The following OSBPL3 variants were observed in gnomAD, a reference collection of about 807,000 sequenced individuals.
OSBPL3 encodes the protein oxysterol-binding protein-related protein 3.
Under a neutral mutation model 120.1 loss-of-function variants are expected in OSBPL3, and 65 were observed. That is an observed-to-expected ratio of 0.54 (90% CI 0.44 to 0.67). The LOEUF (loss-of-function observed/expected upper bound fraction) is 0.67. Ranked by LOEUF, OSBPL3 falls within the 30% of genes least tolerant of loss-of-function variation. The pLI is 0.00. For synonymous variants in OSBPL3, 416 were observed against 402.6 expected, an observed-to-expected ratio of 1.03 and a Z score of -0.40; for missense variants, 1,004 against 1,082.1, an observed-to-expected ratio of 0.93 and a Z score of 1.01.
rs749462538 is a variant in OSBPL3, at chr7:24,799,198, A to T, written c.*985T>A. ...AAGAGGTAGAAAATACTAAAACAGC[A>T]TTTAAGAAAAACATGTTGAGTTATC... On this transcript the variant is annotated 3_prime_UTR_variant, in exon 23 of 23. Transcript: ENST00000313367. This position sits in a 1 kb window ranked among gnomAD's most constrained non-coding sequence, Gnocchi z 5.3. 6.6e-5 allele frequency: 10 copies of T among 152,668 alleles called. No individual in the cohort carries two copies. Among genetic ancestry groups the T allele is most frequent in the Admixed American group, 3.9e-4 (6 of 15,286 alleles). The allele number at this position is 152,668 out of a possible 1,614,324, so 9.5% of individuals were successfully genotyped here.
At position 24,901,325 on chromosome 7, in the gene OSBPL3, C is replaced by T. The variant is rs1228222578; in HGVS notation, c.-149-8704G>A. ...CCAGATGGCGCCACTGTACTCCAGCCTGGGTGACAGAGCAAGACTCCATCT... is the reference window on the plus strand; with the variant it reads ...CCAGATGGCGCCACTGTACTCCAGCTTGGGTGACAGAGCAAGACTCCATCT... On this transcript the variant is annotated intron_variant, in intron 1 of 22. Coordinates refer to ENST00000313367, the MANE Select transcript of OSBPL3 (RefSeq NM_015550.4). Among the ~76,000 whole-genome samples, 5 of 151,478 alleles carry T rather than the reference C, an allele frequency of 3.3e-5. No homozygotes were observed. In the East Asian group the frequency reaches 9.7e-4, roughly 29 times the overall value.
chr7:24,897,570 C>T lies in OSBPL3; in HGVS notation c.-149-4949G>A, dbSNP rs919472524. ...TCGATCTCCTGACCTCGTGATCCGCCCGCCTCGGCCTCCCAAAGTGCTGGG... is the reference window on the plus strand; with the variant it reads ...TCGATCTCCTGACCTCGTGATCCGCTCGCCTCGGCCTCCCAAAGTGCTGGG... On this transcript the variant is annotated intron_variant, in intron 1 of 22. Coordinates refer to ENST00000313367, the MANE Select transcript of OSBPL3 (RefSeq NM_015550.4). 4.6e-5 allele frequency among the ~76,000 whole-genome samples: 7 copies of T among 152,014 alleles called. No individual in the cohort carries two copies. The South Asian group carries it at 1.5e-3, about 32-fold the overall frequency.
In OSBPL3 at chr7:24,932,042, G is replaced by C. The variant is rs1053670391; in HGVS notation, c.-149-39421C>G. 6.6e-6 allele frequency among the ~76,000 whole-genome samples: 1 copy of C among 151,978 alleles called. No homozygotes were observed. The highest frequency in any genetic ancestry group is 1.5e-5 in the Non-Finnish European group (1 of 67,980). On this transcript the variant is annotated intron_variant, in intron 1 of 22. Transcript: ENST00000313367. This position sits in a 1 kb window ranked among gnomAD's most constrained non-coding sequence, Gnocchi z 5.6. Reference sequence around the variant, plus strand: ...TCTGTAAAACAAAACATGTAGACTAGATGAATGATAATCTCTCCTTAACAA... The same window carrying C: ...TCTGTAAAACAAAACATGTAGACTACATGAATGATAATCTCTCCTTAACAA...
At position 24,940,091 on chromosome 7, in the gene OSBPL3, G is replaced by T. The variant is rs1201601093; in HGVS notation, c.-150+39795C>A. Among the ~76,000 whole-genome samples the T allele has an allele frequency of 1.3e-5, 2 of 152,262 alleles. No individual in the cohort carries two copies. The highest frequency in any genetic ancestry group is 3.4e-3 in the Middle Eastern group (1 of 294). On this transcript the variant is annotated intron_variant, in intron 1 of 22. Transcript: ENST00000313367. The surrounding 1 kb of genome is among the most constrained non-coding windows in gnomAD (Gnocchi z 4.4). ...AGATGAAATGAAAACAAGTTCAAAT[G>T]CTGCAAATGAGATTGTGAAAGAAAG...
Position 24,806,973 on chromosome 7 carries a change from T to C in OSBPL3, c.2318-71A>G. The C allele has an allele frequency of 8.5e-6, 12 of 1,407,870 alleles. No homozygotes were observed. Among genetic ancestry groups the C allele is most frequent in the Non-Finnish European group, 1.1e-5 (11 of 1,039,434 alleles). 87.2% of individuals were successfully genotyped at this position (1,407,870 alleles called of 1,614,324 possible). A position where few individuals can be genotyped will look rare whatever the true frequency, so the allele number is the denominator to read the frequency against. Reference sequence around the variant, plus strand: ...TGTTACATTTTAATTCCTTCACCTTTTTCGTCTCAGCCTAGCTACAATTTT... The same window carrying C: ...TGTTACATTTTAATTCCTTCACCTTCTTCGTCTCAGCCTAGCTACAATTTT... On this transcript the variant is annotated intron_variant, in intron 20 of 22. Coordinates refer to ENST00000313367, the MANE Select transcript of OSBPL3 (RefSeq NM_015550.4). The surrounding 1 kb of genome is among the most constrained non-coding windows in gnomAD (Gnocchi z 5.2).
chr7:24,913,415 C>T lies in OSBPL3; in HGVS notation c.-149-20794G>A, dbSNP rs934931803. On this transcript the variant is annotated intron_variant, in intron 1 of 22. Transcript: ENST00000313367. The surrounding 1 kb of genome is among the most constrained non-coding windows in gnomAD (Gnocchi z 5.3). ...CCCTCAGGCTAGCAGGCTCCTGCTA[C>T]CAGAGCATCCCACTCCTGCTGGGTA... 1.3e-5 allele frequency among the ~76,000 whole-genome samples: 2 copies of T among 152,132 alleles called. No individual in the cohort carries two copies. Among genetic ancestry groups the T allele is most frequent in the East Asian group, 3.9e-4 (2 of 5,192 alleles).
At position 24,834,050 on chromosome 7, in the gene OSBPL3, C is replaced by A. The variant is rs559787310; in HGVS notation, c.1746+436G>T. 209 of 974,286 alleles carry A rather than the reference C, an allele frequency of 2.1e-4. No homozygotes were observed. In the African/African-American group the frequency reaches 3.4e-3, roughly 16 times the overall value. The allele number at this position is 974,286 out of a possible 1,614,324, so 60.4% of individuals were successfully genotyped here. Reference sequence around the variant, plus strand: ...AAACCTAGGAGCTGATGGGACAATTCCAGAAATAAACACAAACATTCTCAG... The same window carrying A: ...AAACCTAGGAGCTGATGGGACAATTACAGAAATAAACACAAACATTCTCAG... On this transcript the variant is annotated intron_variant, in intron 15 of 22. Coordinates refer to ENST00000313367, the MANE Select transcript of OSBPL3 (RefSeq NM_015550.4). The surrounding 1 kb of genome is among the most constrained non-coding windows in gnomAD (Gnocchi z 5.2).
chr7:24,810,232 A>T (rs1433454142), intron 19 of OSBPL3: 3 of 263,350 alleles, frequency 1.1e-5, no homozygotes, highest in Non-Finnish European at 2.2e-5. Flanking sequence ...ATAACACTTA[A>T]CTCTCTCAGT....
At chr7:24,841,489 G>A (rs2128202352) in intron 13 of OSBPL3, among the ~76,000 whole-genome samples, 1 of 151,670 alleles carries the variant, frequency 6.6e-6, no homozygotes. Context: ...TTGAGGCTAG[G>A]AGTTCGAGGT....
rs35434953 is a variant in OSBPL3, at chr7:24,899,626, T to A, written c.-149-7005A>T. 0.044 allele frequency among the ~76,000 whole-genome samples: 6,740 copies of A among 152,326 alleles called. 339 individuals carry two copies. Among genetic ancestry groups the A allele is most frequent in the East Asian group, 0.23 (1,200 of 5,190 alleles). The stretch of plus-strand genomic sequence containing the variant: ...AATCTATACTCACCCAAGTAAATTA[T>A]ACTTGGAGATTTAGTAACGAGAAGA... On this transcript the variant is annotated intron_variant, in intron 1 of 22. Transcript: ENST00000313367. The surrounding 1 kb of genome is among the most constrained non-coding windows in gnomAD (Gnocchi z 4.0).
At chr7:24,914,101 A>G (rs1178328797) in intron 1 of OSBPL3, among the ~76,000 whole-genome samples, 1 of 152,142 alleles carries the variant, frequency 6.6e-6, no homozygotes, top group African/African-American at 2.4e-5. Context: ...GGATACCAAC[A>G]AGGCAATATG....
chr7:24,870,715 G>C lies in OSBPL3; in HGVS notation c.381+17C>G. 4.1e-6 allele frequency: 6 copies of C among 1,453,970 alleles called. No homozygotes were observed. The highest frequency in any genetic ancestry group is 5.8e-6 in the Non-Finnish European group (6 of 1,033,616). 90.1% of individuals were successfully genotyped at this position (1,453,970 alleles called of 1,614,324 possible). On this transcript the variant is annotated intron_variant, in intron 5 of 22. Transcript: ENST00000313367. ...CCCCAACATAAGTGAACTCTGCACAGTGGGAAGCAGCCTCACCTTCAGATG... is the reference window on the plus strand; with the variant it reads ...CCCCAACATAAGTGAACTCTGCACACTGGGAAGCAGCCTCACCTTCAGATG...
rs368468411 is a variant in OSBPL3, at chr7:24,833,582, C to T, written c.1746+904G>A. 1.3e-5 allele frequency among the ~76,000 whole-genome samples: 2 copies of T among 152,112 alleles called. No homozygotes were observed. The highest frequency in any genetic ancestry group is 4.2e-4 in the South Asian group (2 of 4,818). On this transcript the variant is annotated intron_variant, in intron 15 of 22. Transcript: ENST00000313367. This position sits in a 1 kb window ranked among gnomAD's most constrained non-coding sequence, Gnocchi z 4.4. The stretch of plus-strand genomic sequence containing the variant: ...GTCGGCAGGGCTAGGTCTGTGAAGC[C>T]GAGGGGGCACTCCAATTCCAATGTA...
intron 1 of OSBPL3, among the ~76,000 whole-genome samples, chr7:24,957,844 GT>G (rs1019846186): frequency 4.0e-4 from 61 of 152,090 alleles, no homozygotes; most frequent in African/African-American, 1.4e-3. Context: ...TTCTGTACTT[GT>G]TTTATCAGAA....
In OSBPL3 at chr7:24,841,361, C is replaced by T. The variant is rs551793843; in HGVS notation, c.1402-578G>A. 2.0e-4 allele frequency among the ~76,000 whole-genome samples: 30 copies of T among 151,362 alleles called. No individual in the cohort carries two copies. In the South Asian group the frequency reaches 2.7e-3, roughly 14 times the overall value. On this transcript the variant is annotated intron_variant, in intron 13 of 22. Coordinates refer to ENST00000313367, the MANE Select transcript of OSBPL3 (RefSeq NM_015550.4). ...TCAAATTCCATGATTAAAAAATATA[C>T]GGGATGCTAATTTCCTTCTCTATAG...
chr7:24,846,786 C>A (rs1305057812), intron 12 of OSBPL3, among the ~76,000 whole-genome samples: 1 of 152,216 alleles, frequency 6.6e-6, no homozygotes, highest in Middle Eastern at 3.4e-3. Flanking sequence ...GTAACGAGGC[C>A]GGGCGCAGTG....
chr7:24,908,717 C>A (rs964318212), intron 1 of OSBPL3, among the ~76,000 whole-genome samples: 3 of 152,240 alleles, frequency 2.0e-5, no homozygotes, highest in Non-Finnish European at 2.9e-5. Context: ...ATTTTACCAA[C>A]CAGCTGCCCA....
intron 1 of OSBPL3, among the ~76,000 whole-genome samples, chr7:24,963,090 T>C (rs1488602071): frequency 2.0e-5 from 3 of 152,228 alleles, no homozygotes. Flanking sequence ...CTTCTTGGCA[T>C]AACTGATTTT....
rs1337659061 is a variant in OSBPL3, at chr7:24,862,112, T to G, written c.871-343A>C. On this transcript the variant is annotated intron_variant, in intron 9 of 22. Transcript: ENST00000313367. This position sits in a 1 kb window ranked among gnomAD's most constrained non-coding sequence, Gnocchi z 4.4. ...CGTGTTAGCCAGGATGGTCTCGATC[T>G]CCTGACCTTGTGTTCTGCCCGCCTC... 6.6e-6 allele frequency among the ~76,000 whole-genome samples: 1 copy of G among 152,156 alleles called. No individual in the cohort carries two copies. The highest frequency in any genetic ancestry group is 1.5e-5 in the Non-Finnish European group (1 of 68,020).
Sources: allele counts gnomAD v4.1 joint callset (sites outside exome capture counted in the v4.1 genomes callset), GRCh38; gene constraint gnomAD v4.1.1; non-coding constraint Gnocchi (gnomAD v3.1); transcripts MANE v1.5; gene names NCBI Gene and HGNC (gene_info 2026-07-23, HGNC 2026-07-21).